TAF4B: variants seen among roughly 807,000 people sequenced by gnomAD.
The protein encoded by TAF4B is transcription initiation factor TFIID subunit 4B.
Under a neutral mutation model 86.4 loss-of-function variants are expected in TAF4B, and 38 were observed. The observed-to-expected ratio is 0.44, with a 90% CI of 0.34 to 0.58. The LOEUF (loss-of-function observed/expected upper bound fraction) is 0.58. TAF4B is among the 20% of genes least tolerant of loss of function. TAF4B has a pLI of 0.02. For synonymous variants in TAF4B, 388 were observed against 391.2 expected, an observed-to-expected ratio of 0.99 and a Z score of 0.10; for missense variants, 988 against 1,027.6, an observed-to-expected ratio of 0.96 and a Z score of 0.53.
chr18:26,312,035 C>CT (rs1473862889), intron 9 of TAF4B, among the ~76,000 whole-genome samples: 2 of 152,164 alleles, frequency 1.3e-5, no homozygotes, highest in Non-Finnish European at 2.9e-5. Flanking sequence ...TCCATAGAAT[C>CT]TTGAGTTGGA....
chr18:26,270,394 A>G (rs1362571048), intron 3 of TAF4B, among the ~76,000 whole-genome samples: 2 of 152,220 alleles, frequency 1.3e-5, no homozygotes, highest in Non-Finnish European at 2.9e-5. Context: ...TGAAGTCTTA[A>G]TAGTTCTAGA....
At chr18:26,375,610 G>T (rs1327551730) in intron 14 of TAF4B, among the ~76,000 whole-genome samples, 1 of 152,168 alleles carries the variant, frequency 6.6e-6, no homozygotes, top group Admixed American at 6.5e-5. Flanking sequence ...AATGTGTGTA[G>T]AAGTAGTATC....
At position 26,293,441 on chromosome 18, in the gene TAF4B, A is replaced by G. The variant is rs1293262886; in HGVS notation, c.1742A>G (p.Gln581Arg). 1 of 1,595,742 alleles carries G rather than the reference A, an allele frequency of 6.3e-7. No homozygotes were observed. The highest frequency in any genetic ancestry group is 1.8e-5 in the Admixed American group (1 of 54,278). Residue 581 changes from glutamine (Q) to arginine (R), a missense_variant, in exon 9 of 15, where the codon CAA (glutamine) becomes CGA (arginine). Physicochemically the swap from Gln to Arg is conservative, Grantham distance 43 (BLOSUM62 1). Around this residue, in one of 3 missense-constraint regions of TAF4B, gnomAD observed 747 missense variants for 737.9 expected, o/e 1.01. Coordinates refer to ENST00000269142, the MANE Select transcript of TAF4B (RefSeq NM_005640.3). ...SQFPPASILK[Q>R]ITLPGNKILS... ...GTTTTTATAGCTTCCATTCTAAAGC[A>G]AATTACTCTGCCTGGAAATAAAATT...
chr18:26,285,976 C>T lies in TAF4B; in HGVS notation c.1067C>T (p.Thr356Ile). Reference protein sequence around the residue: ...QQTSSDMVIATCTTTVTTSPV... With the variant: ...QQTSSDMVIAICTTTVTTSPV... ...ACTTCTAGTGACATGGTCATTGCTA[C>T]CTGTACTACAACAGTAACAACTTCT... The change falls in exon 7 of 15, where the codon ACC becomes ATC. Residue 356 changes from threonine to isoleucine, a missense_variant. Physicochemically the swap from Thr to Ile is moderately conservative, Grantham distance 89. Around this residue, in one of 3 missense-constraint regions of TAF4B, gnomAD observed 747 missense variants for 737.9 expected, o/e 1.01. Transcript: ENST00000269142. The T allele has an allele frequency of 6.2e-7, 1 of 1,614,204 alleles. No individual in the cohort carries two copies. The highest frequency in any genetic ancestry group is 1.3e-5 in the African/African-American group (1 of 75,060).
chr18:26,319,898 G>A (rs1299475485), intron 10 of TAF4B, among the ~76,000 whole-genome samples: 1 of 152,072 alleles, frequency 6.6e-6, no homozygotes, highest in African/African-American at 2.4e-5. Context: ...CCTATGCTGA[G>A]GGTTTTATTA....
intron 5 of TAF4B, among the ~76,000 whole-genome samples, chr18:26,275,966 A>C (rs1444356310): frequency 2.7e-5 from 4 of 149,818 alleles, no homozygotes; most frequent in Non-Finnish European, 4.4e-5. Context: ...CAGTAAGCTG[A>C]GATTGCACCA....
chr18:26,228,864 A>AT (rs1005085826), intron 1 of TAF4B, among the ~76,000 whole-genome samples: 1 of 152,128 alleles, frequency 6.6e-6, no homozygotes, highest in African/African-American at 2.4e-5. Flanking sequence ...GGGCCTTATC[A>AT]TGCTAAGCAC....
In TAF4B at chr18:26,365,059, T is replaced by C. The variant is rs182045563; in HGVS notation, c.2421+7265T>C. 1.5e-3 allele frequency among the ~76,000 whole-genome samples: 205 copies of C among 140,340 alleles called. 1 individual carries two copies. The highest frequency in any genetic ancestry group is 5.3e-3 in the African/African-American group (193 of 36,746). 92.1% of individuals were successfully genotyped at this position (140,340 alleles called of 152,430 possible). A position where few individuals can be genotyped will look rare whatever the true frequency, so the allele number is the denominator to read the frequency against. On this transcript the variant is annotated intron_variant, in intron 14 of 14. Transcript: ENST00000269142. ...TCTCGCTTTGGCACCCAGGCGGGAGTGCAGTGTCGTAATCTCGGCTCACTG... is the reference window on the plus strand; with the variant it reads ...TCTCGCTTTGGCACCCAGGCGGGAGCGCAGTGTCGTAATCTCGGCTCACTG...
intron 1 of TAF4B, among the ~76,000 whole-genome samples, chr18:26,232,136 A>T (rs188920411): frequency 1.2e-3 from 180 of 152,256 alleles, no homozygotes; most frequent in African/African-American, 4.2e-3. Context: ...TGATTGGTGC[A>T]TTTTACAATC....
At chr18:26,361,573 C>G (rs908383387) in intron 14 of TAF4B, among the ~76,000 whole-genome samples, 2 of 151,452 alleles carry the variant, frequency 1.3e-5, no homozygotes, top group Non-Finnish European at 2.9e-5. Flanking sequence ...TGTGAAACCC[C>G]GTCTCTACTA....
chr18:26,357,412 G>A (rs936303177), intron 13 of TAF4B, among the ~76,000 whole-genome samples: 1 of 152,076 alleles, frequency 6.6e-6, no homozygotes, highest in East Asian at 1.9e-4. Context: ...TTTCTTATCT[G>A]TGTTATACTG....
chr18:26,254,290 G>A (rs2056049367), intron 1 of TAF4B, among the ~76,000 whole-genome samples: 1 of 149,762 alleles, frequency 6.7e-6, no homozygotes, highest in African/African-American at 2.4e-5. Flanking sequence ...GTAAAGGTTT[G>A]TCAGTTTTGT....
chr18:26,261,412 G>A (rs534097198), intron 1 of TAF4B, among the ~76,000 whole-genome samples: 10 of 152,080 alleles, frequency 6.6e-5, no homozygotes, highest in African/African-American at 2.4e-4. Flanking sequence ...GTTTTAGCCG[G>A]GATGGTCTCG....
At chr18:26,234,572 G>T (rs895364121) in intron 1 of TAF4B, among the ~76,000 whole-genome samples, 2 of 152,192 alleles carry the variant, frequency 1.3e-5, no homozygotes, top group African/African-American at 4.8e-5. Flanking sequence ...TTCAAGTACT[G>T]TTACATCACT....
At chr18:26,275,234 C>G (rs2056370476) in intron 5 of TAF4B, among the ~76,000 whole-genome samples, 181 bp downstream of exon 5, 1 of 152,226 alleles carries the variant, frequency 6.6e-6, no homozygotes, top group African/African-American at 2.4e-5. Context: ...AGGCTGACTG[C>G]AACCTCTGCC....
intron 13 of TAF4B, among the ~76,000 whole-genome samples, chr18:26,346,799 GTGTATATATATATATA>G (rs1567913785): frequency 1.1e-3 from 16 of 14,870 alleles, no homozygotes; most frequent in South Asian, 7.9e-3. Flanking sequence ...ATATATATAT[GTGTATATATATATATA>G]TGTGTGTGTA....
chr18:26,230,625 T>C (rs2055650373), intron 1 of TAF4B, among the ~76,000 whole-genome samples: 1 of 152,226 alleles, frequency 6.6e-6, no homozygotes, highest in Non-Finnish European at 1.5e-5. Flanking sequence ...CCTGCGGATC[T>C]TCCTCAAGGT....
chr18:26,259,618 C>CT (rs1168226271), intron 1 of TAF4B, among the ~76,000 whole-genome samples: 1 of 152,142 alleles, frequency 6.6e-6, no homozygotes, highest in East Asian at 1.9e-4. Context: ...TGAGCTCATC[C>CT]TTTTTTATGG....
intron 9 of TAF4B, among the ~76,000 whole-genome samples, chr18:26,312,776 CAT>C (rs1255336900): frequency 6.6e-6 from 1 of 152,084 alleles, no homozygotes; most frequent in East Asian, 1.9e-4. Context: ...GTGTAAAGGT[CAT>C]GTGGAGTTAC....
Sources: allele counts gnomAD v4.1 joint callset (sites outside exome capture counted in the v4.1 genomes callset), GRCh38; gene constraint gnomAD v4.1.1; regional missense constraint gnomAD v4.1.1; transcripts MANE v1.5; gene names NCBI Gene and HGNC (gene_info 2026-07-23, HGNC 2026-07-21).